The following NPAS2 variants were observed in gnomAD, a reference collection of about 807,000 sequenced individuals.
The protein encoded by NPAS2 is neuronal PAS domain protein 2.
A neutral mutation model predicts 107.5 loss-of-function variants in NPAS2; 23 were observed. The observed-to-expected ratio is 0.21, with a 90% CI of 0.15 to 0.30. The LOEUF is 0.30. NPAS2 is among the 10% of genes least tolerant of loss of function. NPAS2 has a pLI of 1.00. For synonymous variants in NPAS2, 403 were observed against 417.5 expected, an observed-to-expected ratio of 0.97 and a Z score of 0.42; for missense variants, 756 against 1,043.3, an observed-to-expected ratio of 0.72 and a Z score of 3.79.
At chr2:100,854,761 T>C (rs143965332) in intron 1 of NPAS2, among the ~76,000 whole-genome samples, 27 of 152,260 alleles carry the variant, frequency 1.8e-4, no homozygotes, top group South Asian at 4.1e-4. Context: ...CCAAAATAAC[T>C]GAAGCCCCAC....
chr2:100,915,871 A>C (rs1367813709), intron 2 of NPAS2, among the ~76,000 whole-genome samples: 1 of 152,238 alleles, frequency 6.6e-6, no homozygotes, highest in Non-Finnish European at 1.5e-5. Flanking sequence ...GAAATGGTAA[A>C]TATTTGACAA....
intron 1 of NPAS2, among the ~76,000 whole-genome samples, chr2:100,829,342 G>A (rs1037739323): frequency 6.6e-6 from 1 of 152,038 alleles, no homozygotes. Flanking sequence ...TAGTAGAGAT[G>A]AGGTTTTGCC....
chr2:100,852,556 G>T (rs1430866375), intron 1 of NPAS2, among the ~76,000 whole-genome samples: 3 of 152,132 alleles, frequency 2.0e-5, no homozygotes, highest in African/African-American at 7.2e-5. Context: ...AGGGACCCCT[G>T]GCTAGCACAG....
intron 3 of NPAS2, among the ~76,000 whole-genome samples, chr2:100,928,194 GT>G (rs1231862673): frequency 2.0e-5 from 3 of 152,042 alleles, no homozygotes; most frequent in Non-Finnish European, 4.4e-5. Context: ...TAAAGAACAT[GT>G]TAATTGCTTT....
chr2:100,937,379 G>A (rs904118667), intron 4 of NPAS2, among the ~76,000 whole-genome samples: 1 of 152,226 alleles, frequency 6.6e-6, no homozygotes, highest in Admixed American at 6.5e-5. Context: ...GGCAGGGGTA[G>A]GGAGATGGGA....
intron 14 of NPAS2, 68 bp downstream of exon 14, chr2:100,975,635 C>A: frequency 1.8e-6 from 2 of 1,116,558 alleles, no homozygotes; most frequent in Non-Finnish European, 2.6e-6. Context: ...CAGAGCCAGG[C>A]GATGTGCTGC....
At chr2:100,822,183 T>C (rs1222351243) in intron 1 of NPAS2, among the ~76,000 whole-genome samples, 1 of 152,162 alleles carries the variant, frequency 6.6e-6, no homozygotes, top group Non-Finnish European at 1.5e-5. Context: ...AAGAAGGAAA[T>C]ACGTTCTAGA....
In NPAS2 at chr2:100,988,221, C is replaced by T; in HGVS notation, c.1772C>T (p.Ser591Phe). ...CCCCAACTTCCAGGGCAGATCTCCTCTGCCCAGGTCACAAGCCAGCACCTG... is the reference window on the plus strand; with the variant it reads ...CCCCAACTTCCAGGGCAGATCTCCTTTGCCCAGGTCACAAGCCAGCACCTG... ...AGPQLPGQIS[S>F]AQVTSQHLLR... Residue 591 changes from serine to phenylalanine, a missense_variant, in exon 17 of 21, where the codon TCT becomes TTT. Coordinates refer to ENST00000335681, the MANE Select transcript of NPAS2 (RefSeq NM_002518.4). 6.2e-7 allele frequency: 1 copy of T among 1,614,132 alleles called. No individual in the cohort carries two copies. The highest frequency in any genetic ancestry group is 8.5e-7 in the Non-Finnish European group (1 of 1,180,046).
At chr2:100,917,357 G>A (rs1227196294) in intron 2 of NPAS2, among the ~76,000 whole-genome samples, 4 of 151,908 alleles carry the variant, frequency 2.6e-5, no homozygotes, top group African/African-American at 4.8e-5. Flanking sequence ...TGAAACCCCC[G>A]TCTCTACTAA....
At chr2:100,853,654 C>T (rs1326742762) in intron 1 of NPAS2, among the ~76,000 whole-genome samples, 1 of 152,170 alleles carries the variant, frequency 6.6e-6, no homozygotes, top group Non-Finnish European at 1.5e-5. Context: ...AGGGCAAACT[C>T]ATGGCACCCT....
chr2:100,877,300 T>A (rs553783634), intron 1 of NPAS2, among the ~76,000 whole-genome samples: 14 of 152,082 alleles, frequency 9.2e-5, no homozygotes, highest in African/African-American at 3.4e-4. Context: ...CCGCCTCTAC[T>A]AAAAATACAA....
chr2:100,901,908 C>A (rs1254234838), intron 1 of NPAS2, among the ~76,000 whole-genome samples: 1 of 152,054 alleles, frequency 6.6e-6, no homozygotes. Flanking sequence ...ACTGTCTACG[C>A]CACGTAGGAC....
chr2:100,854,347 A>C (rs1446594623), intron 1 of NPAS2, among the ~76,000 whole-genome samples: 1 of 152,072 alleles, frequency 6.6e-6, no homozygotes, highest in Non-Finnish European at 1.5e-5. Flanking sequence ...GAGAGCAACT[A>C]CTGGGAAGGA....
At chr2:100,866,462 C>G (rs1266918487) in intron 1 of NPAS2, among the ~76,000 whole-genome samples, 1 of 152,222 alleles carries the variant, frequency 6.6e-6, no homozygotes, top group Non-Finnish European at 1.5e-5. Context: ...GTCCAGCAGT[C>G]TCAGAGTTAA....
At chr2:100,964,400 G>A (rs747258809) in intron 8 of NPAS2, among the ~76,000 whole-genome samples, 12 of 152,168 alleles carry the variant, frequency 7.9e-5, no homozygotes, top group Non-Finnish European at 1.6e-4. Context: ...TGTTCAGCCC[G>A]CAGAAGTGCT....
intron 1 of NPAS2, among the ~76,000 whole-genome samples, chr2:100,837,226 G>C (rs1021373435): frequency 6.6e-6 from 1 of 152,166 alleles, no homozygotes; most frequent in Non-Finnish European, 1.5e-5. Flanking sequence ...GGATCTGACA[G>C]TCTAAAAGTT....
chr2:100,867,838 G>C (rs903519201), intron 1 of NPAS2, among the ~76,000 whole-genome samples: 5 of 152,134 alleles, frequency 3.3e-5, no homozygotes, highest in African/African-American at 9.7e-5. Context: ...ACTGTGCTCA[G>C]CTGAAGTACT....
intron 2 of NPAS2, among the ~76,000 whole-genome samples, chr2:100,924,280 A>G (rs1049768137): frequency 6.6e-6 from 1 of 152,128 alleles, no homozygotes; most frequent in African/African-American, 2.4e-5. Flanking sequence ...ATCAAGGCAC[A>G]CTCTTGTGTT....
chr2:100,947,317 G>C (rs1160265875), intron 5 of NPAS2, among the ~76,000 whole-genome samples: 1 of 152,114 alleles, frequency 6.6e-6, no homozygotes, highest in Non-Finnish European at 1.5e-5. Flanking sequence ...TTGGGAGGCC[G>C]GGGTGGGCGG....
Sources: allele counts gnomAD v4.1 joint callset (sites outside exome capture counted in the v4.1 genomes callset), GRCh38; gene constraint gnomAD v4.1.1; transcripts MANE v1.5; gene names NCBI Gene and HGNC (gene_info 2026-07-23, HGNC 2026-07-21).